PGBD2: variants seen among roughly 807,000 people sequenced by gnomAD.
PGBD2 encodes the protein piggyBac transposable element-derived protein 2.
A neutral mutation model predicts 8.1 loss-of-function variants in PGBD2; 6 were observed. The ratio of observed to expected loss-of-function variants is 0.74; its 90% CI spans 0.40 to 1.46. The LOEUF is 1.46. PGBD2 is among the 40% of genes most tolerant of loss of function. The pLI is 0.02. For missense variants in PGBD2, 802 were observed against 739.0 expected, an observed-to-expected ratio of 1.09 and a Z score of -0.99; for synonymous variants, 318 against 272.2, an observed-to-expected ratio of 1.17 and a Z score of -1.66.
chr1:248,907,883 T>A (rs1403541825), intron 1 of PGBD2, among the ~76,000 whole-genome samples: 2 of 152,198 alleles, frequency 1.3e-5, no homozygotes, highest in Non-Finnish European at 2.9e-5. Flanking sequence ...ACAGTAGCAG[T>A]CTGACTTCTC....
At chr1:248,874,765 A>C in the PGBD2 span, among the ~76,000 whole-genome samples, 1 of 152,098 alleles carries the variant, frequency 6.6e-6, no homozygotes, top group Non-Finnish European at 1.5e-5. Flanking sequence ...CTATCTTTTC[A>C]TTTTTTAAAT....
the PGBD2 span, among the ~76,000 whole-genome samples, chr1:248,882,339 A>G: frequency 1.3e-5 from 2 of 152,358 alleles, no homozygotes; most frequent in South Asian, 4.1e-4. Flanking sequence ...ATCTGTATGC[A>G]GAAGTACAGT....
At chr1:248,889,051 G>A in the PGBD2 span, among the ~76,000 whole-genome samples, 4 of 141,992 alleles carry the variant, frequency 2.8e-5, no homozygotes, top group African/African-American at 1.2e-4. Context: ...TTTTGACTAT[G>A]ACTTATAATA....
rs778801971 is a variant in PGBD2, at chr1:248,918,133, C to T, written c.1549C>T (p.Arg517Trp). ...TGCCCAGGTGGACCTCCTTGCCTTCCGGAGATACATTGCCTGTGTGTATCT... is the reference window on the plus strand; with the variant it reads ...TGCCCAGGTGGACCTCCTTGCCTTCTGGAGATACATTGCCTGTGTGTATCT... ...QDAQVDLLAF[R>W]RYIACVYLES... The change falls in exon 3 of 3, where the codon CGG becomes TGG. Residue 517 changes from arginine (R) to tryptophan (W), a missense_variant. Physicochemically the swap from Arg to Trp is moderately radical, Grantham distance 101. Coordinates refer to ENST00000329291, the MANE Select transcript of PGBD2 (RefSeq NM_170725.3). 13 of 1,614,026 alleles carry T rather than the reference C, an allele frequency of 8.1e-6. No homozygotes were observed. In the Admixed American group the frequency reaches 8.3e-5, roughly 10 times the overall value.
chr1:248,919,968 C>G (rs1662250711), downstream of PGBD2: 1 of 152,262 alleles, frequency 6.6e-6, no homozygotes, highest in African/African-American at 2.4e-5. Context: ...CCTCTGTCTC[C>G]TGGGCTCAAG....
chr1:248,916,552 A>T, intron 2 of PGBD2, 50 bp from the exon 3 acceptor site: 1 of 1,536,792 alleles, frequency 6.5e-7, no homozygotes. Context: ...CTGCTGAAGC[A>T]TTGGCTTTCT....
the PGBD2 span, among the ~76,000 whole-genome samples, chr1:248,884,844 C>T: frequency 3.3e-5 from 5 of 152,154 alleles, no homozygotes. Context: ...AGATTAATGA[C>T]CTGCAGGTGT....
the PGBD2 span, among the ~76,000 whole-genome samples, chr1:248,874,728 T>A: frequency 6.6e-6 from 1 of 152,120 alleles, no homozygotes; most frequent in African/African-American, 2.4e-5. Flanking sequence ...TGGAAAGAGA[T>A]CAGGTACTTC....
chr1:248,904,164 A>G (rs1661580079), upstream of PGBD2, among the ~76,000 whole-genome samples: 1 of 152,124 alleles, frequency 6.6e-6, no homozygotes, highest in Admixed American at 6.5e-5. Flanking sequence ...CTCATAATAC[A>G]CATAATTTAA....
intron 1 of PGBD2, among the ~76,000 whole-genome samples, chr1:248,908,681 T>C (rs984870955): frequency 6.4e-5 from 7 of 109,298 alleles, no homozygotes; most frequent in African/African-American, 3.0e-4. Flanking sequence ...ATGCTCTTCC[T>C]GTATTTTTTT....
chr1:248,885,327 G>C, the PGBD2 span, among the ~76,000 whole-genome samples: 1,756 of 150,272 alleles, frequency 0.012, 42 homozygotes, highest in African/African-American at 0.04. Context: ...TTTTTGTAGA[G>C]ATGGGGTTTT....
chr1:248,904,931 TTTTC>T (rs1171268540), upstream of PGBD2, among the ~76,000 whole-genome samples: 3 of 152,226 alleles, frequency 2.0e-5, no homozygotes, highest in Non-Finnish European at 4.4e-5. Context: ...CTCTTGTGCC[TTTTC>T]TTTTTCACTG....
At chr1:248,891,112 GA>G in the PGBD2 span, among the ~76,000 whole-genome samples, 1 of 152,136 alleles carries the variant, frequency 6.6e-6, no homozygotes, top group South Asian at 2.1e-4. Flanking sequence ...TTACATAACT[GA>G]AAAAAAGTTA....
the PGBD2 span, among the ~76,000 whole-genome samples, chr1:248,873,603 G>T: frequency 1.3e-5 from 2 of 152,318 alleles, no homozygotes; most frequent in African/African-American, 4.8e-5. Flanking sequence ...CTGCGTTTGC[G>T]GGGCCAGGCG....
downstream of PGBD2, chr1:248,919,648 T>C: frequency 6.0e-6 from 1 of 166,910 alleles, no homozygotes. Flanking sequence ...TATTTTTAGT[T>C]TTTGAGGAAG....
upstream of PGBD2, chr1:248,906,195 C>G (rs1661625281): frequency 6.6e-6 from 1 of 151,650 alleles, no homozygotes; most frequent in African/African-American, 2.4e-5. Context: ...GGGGGCGTGG[C>G]ATGGAAGGCC....
chr1:248,906,984 A>C (rs1392663308), intron 1 of PGBD2, among the ~76,000 whole-genome samples: 2 of 152,108 alleles, frequency 1.3e-5, no homozygotes, highest in African/African-American at 2.4e-5. Flanking sequence ...TGAGAAAAGA[A>C]ATAAGACACA....
chr1:248,899,347 C>G, the PGBD2 span, among the ~76,000 whole-genome samples: 1 of 152,104 alleles, frequency 6.6e-6, no homozygotes, highest in African/African-American at 2.4e-5. Context: ...AACATGTAAT[C>G]TGAAGTAAAA....
rs770108397 is a variant in PGBD2 at position 248,917,712 on chromosome 1, G to A, written c.1128G>A (p.Glu376=). 2 of 1,614,108 alleles carry A rather than the reference G, an allele frequency of 1.2e-6. No individual in the cohort carries two copies. Among genetic ancestry groups the A allele is most frequent in the Admixed American group, 3.3e-5 (2 of 60,006 alleles). Residue 376 remains glutamate (E), a synonymous_variant, in exon 3 of 3, where the codon GAG becomes GAA. Coordinates refer to ENST00000329291, the MANE Select transcript of PGBD2 (RefSeq NM_170725.3). ...KGVKATGTVR[E]YRTERCPLKD... is the part of the protein sequence containing the mutation. ...TGAAAGCCACAGGAACTGTTCGTGAGTACAGGACTGAGCGATGTCCCCTAA... is the reference window on the plus strand; with the variant it reads ...TGAAAGCCACAGGAACTGTTCGTGAATACAGGACTGAGCGATGTCCCCTAA...
Sources: gnomAD v4.1 joint callset for allele counts (sites outside exome capture counted in the v4.1 genomes callset) on GRCh38, gnomAD v4.1.1 for gene constraint, MANE v1.5 for transcripts, NCBI Gene and HGNC (gene_info 2026-07-23, HGNC 2026-07-21) for gene names.